The following UNC5D variants were observed in gnomAD, a reference collection of about 807,000 sequenced individuals.
UNC5D encodes the protein netrin receptor UNC5D.
UNC5D carries 39 observed loss-of-function variants against 105.4 expected under a neutral mutation model. The observed-to-expected ratio is 0.37, with a 90% CI of 0.29 to 0.48. The LOEUF is 0.48. Among genes scored for constraint, UNC5D ranks in the 20% least tolerant of loss-of-function variants. UNC5D has a pLI of 0.98. For synonymous variants in UNC5D, 452 were observed against 450.4 expected (o/e 1.00, Z -0.04); for missense variants, 991 against 1,202.4 (o/e 0.82, Z 2.60).
At chr8:35,432,908 A>G (rs1806745810) in intron 1 of UNC5D, among the ~76,000 whole-genome samples, 1 of 152,192 alleles carries the variant, frequency 6.6e-6, no homozygotes, top group Admixed American at 6.6e-5. Flanking sequence ...GGAGCATTTC[A>G]TTCTGTTACA....
At chr8:35,580,326 G>A (rs1026700289) in intron 3 of UNC5D, among the ~76,000 whole-genome samples, 1 of 152,118 alleles carries the variant, frequency 6.6e-6, no homozygotes, top group Admixed American at 6.6e-5. Flanking sequence ...GTAGTTAGGT[G>A]AGTAGACATC....
intron 1 of UNC5D, chr8:35,254,534 T>C (rs71513751): frequency 7.9e-5 from 12 of 152,188 alleles, no homozygotes; most frequent in Non-Finnish European, 1.5e-4. Context: ...CCATTACACT[T>C]ACTGAGTCCA....
chr8:35,451,395 T>C (rs1467866718), intron 1 of UNC5D, among the ~76,000 whole-genome samples: 1 of 152,162 alleles, frequency 6.6e-6, no homozygotes, highest in African/African-American at 2.4e-5. Context: ...GAACACTTCA[T>C]CTAATTAGCA....
chr8:35,595,727 T>G, intron 4 of UNC5D, 70 bp downstream of exon 4: 2 of 1,411,700 alleles, frequency 1.4e-6, no homozygotes, highest in Non-Finnish European at 2.0e-6. Context: ...GGCGGAGTCC[T>G]GTGTGGCTGG....
intron 1 of UNC5D, among the ~76,000 whole-genome samples, chr8:35,505,033 C>T (rs1001373471): frequency 3.9e-5 from 6 of 152,158 alleles, no homozygotes; most frequent in Non-Finnish European, 8.8e-5. Flanking sequence ...AAAGAGTATA[C>T]TTGGATTGTT....
intron 1 of UNC5D, among the ~76,000 whole-genome samples, chr8:35,292,602 G>A: frequency 6.6e-6 from 1 of 151,898 alleles, no homozygotes; most frequent in Non-Finnish European, 1.5e-5. Context: ...TGAATCCCGT[G>A]AAACTTAACT....
At chr8:35,709,908 G>C (rs937786328) in intron 8 of UNC5D, among the ~76,000 whole-genome samples, 1 of 152,120 alleles carries the variant, frequency 6.6e-6, no homozygotes, top group Non-Finnish European at 1.5e-5. Context: ...AATAGTAATA[G>C]CTAAGGTCAG....
chr8:35,288,199 G>A (rs1806757186), intron 1 of UNC5D, among the ~76,000 whole-genome samples: 1 of 152,030 alleles, frequency 6.6e-6, no homozygotes, highest in Non-Finnish European at 1.5e-5. Context: ...ACAGAAAGTA[G>A]CTACAGAAAA....
chr8:35,300,662 T>C (rs184691965), intron 1 of UNC5D, among the ~76,000 whole-genome samples: 24 of 152,236 alleles, frequency 1.6e-4, no homozygotes, highest in Admixed American at 1.4e-3. Context: ...CTAGATATTA[T>C]GAAACTAAAG....
chr8:35,687,346 G>A (rs1204140507), intron 7 of UNC5D, among the ~76,000 whole-genome samples: 1 of 151,738 alleles, frequency 6.6e-6, no homozygotes, highest in East Asian at 2.0e-4. Context: ...GGAGGCTGAG[G>A]CAGGAGAATG....
chr8:35,394,522 G>A (rs751518333), intron 1 of UNC5D, among the ~76,000 whole-genome samples: 1 of 151,726 alleles, frequency 6.6e-6, no homozygotes, highest in Non-Finnish European at 1.5e-5. Flanking sequence ...TATTCTTGGG[G>A]CTTTTGCTTC....
At position 35,697,140 on chromosome 8, in the gene UNC5D, TACAC is replaced by T. The variant is rs10552113; in HGVS notation, c.1085-8771_1085-8768del. Among the ~76,000 whole-genome samples, 1,116 of 148,296 alleles carry T rather than the reference TACAC, an allele frequency of 7.5e-3. 9 individuals are homozygous for T. The highest frequency in any genetic ancestry group is 0.025 in the African/African-American group (1,010 of 40,612). On this transcript the variant is annotated intron_variant, in intron 7 of 16. Coordinates refer to ENST00000404895, the MANE Select transcript of UNC5D (RefSeq NM_080872.4). ...AGATACACATACTTATATATATACATACACACACACACACACACACAACATAAGC... is the reference window on the plus strand; with the variant it reads ...AGATACACATACTTATATATATACATACACACACACACACACAACATAAGC...
At chr8:35,336,001 G>A (rs1297161171) in intron 1 of UNC5D, among the ~76,000 whole-genome samples, 1 of 151,992 alleles carries the variant, frequency 6.6e-6, no homozygotes, top group Non-Finnish European at 1.5e-5. Context: ...CTGACCTCGT[G>A]ATCCGCCTGC....
At position 35,271,736 on chromosome 8, in the gene UNC5D, TA is replaced by T. The variant is rs1302010953; in HGVS notation, c.103+35850del. On this transcript the variant is annotated intron_variant, in intron 1 of 16. Coordinates refer to ENST00000404895, the MANE Select transcript of UNC5D (RefSeq NM_080872.4). ...ATTTATACATGTATACATGTATACA[TA>T]TATATTTATACATGTATACATGTAT... Among the ~76,000 whole-genome samples, 67 of 125,628 alleles carry T rather than the reference TA, an allele frequency of 5.3e-4. 7 individuals are homozygous for T. The highest frequency in any genetic ancestry group is 4.7e-3 in the Middle Eastern group (1 of 214). The allele number at this position is 125,628 out of a possible 152,430, so 82.4% of individuals were successfully genotyped here.
chr8:35,334,518 AT>A (rs34040496), intron 1 of UNC5D, among the ~76,000 whole-genome samples: 1,576 of 148,366 alleles, frequency 0.011, 30 homozygotes, highest in African/African-American at 0.036. Flanking sequence ...ACTTTTATTT[AT>A]TTTTTTTTTT....
At chr8:35,637,765 G>C (rs780654868) in intron 4 of UNC5D, among the ~76,000 whole-genome samples, 1 of 152,192 alleles carries the variant, frequency 6.6e-6, no homozygotes, top group Non-Finnish European at 1.5e-5. Flanking sequence ...AAAATGGGGT[G>C]CTCCATTTCC....
chr8:35,304,864 A>G (rs1808220601), intron 1 of UNC5D, among the ~76,000 whole-genome samples: 1 of 152,142 alleles, frequency 6.6e-6, no homozygotes, highest in South Asian at 2.1e-4. Context: ...ATGTGGGAGA[A>G]AAATAAATTA....
At chr8:35,655,063 C>T (rs1417542805) in intron 4 of UNC5D, among the ~76,000 whole-genome samples, 1 of 152,116 alleles carries the variant, frequency 6.6e-6, no homozygotes, top group Non-Finnish European at 1.5e-5. Context: ...GAAATTCAGC[C>T]ATTCAGTGTT....
chr8:35,449,646 CTA>C (rs757804069), intron 1 of UNC5D, among the ~76,000 whole-genome samples: 17 of 152,124 alleles, frequency 1.1e-4, no homozygotes, highest in Non-Finnish European at 4.4e-5. Context: ...TTAACTCACT[CTA>C]TGTCATCCTG....
Sources: allele counts gnomAD v4.1 joint callset (sites outside exome capture counted in the v4.1 genomes callset), GRCh38; gene constraint gnomAD v4.1.1; transcripts MANE v1.5; gene names NCBI Gene and HGNC (gene_info 2026-07-23, HGNC 2026-07-21).